TRPM2: variants seen among roughly 807,000 people sequenced by gnomAD.
TRPM2 encodes estrogen-responsive element-associated gene 1 protein.
TRPM2 carries 161 observed loss-of-function variants against 174.0 expected under a neutral mutation model. The ratio of observed to expected loss-of-function variants is 0.93; its 90% confidence interval spans 0.81 to 1.05. The LOEUF (loss-of-function observed/expected upper bound fraction) is 1.05. Ranked by LOEUF, TRPM2 falls within the 50% of genes least tolerant of loss-of-function variation. The pLI, the probability that TRPM2 is intolerant of heterozygous loss-of-function variation, is 0.00. For synonymous variants in TRPM2, 954 were observed against 861.3 expected (o/e 1.11, Z -1.88); for missense variants, 2,057 against 2,038.0 (o/e 1.01, Z -0.18).
intron 22 of TRPM2, among the ~76,000 whole-genome samples, chr21:44,419,928 T>C (rs981562007): frequency 7.2e-6 from 1 of 138,768 alleles, no homozygotes; most frequent in East Asian, 2.1e-4. Flanking sequence ...GTAGTGATGG[T>C]AGTGGTGGTG....
At chr21:44,378,898 C>T in intron 7 of TRPM2, 99 bp from the exon 8 acceptor site, 1 of 1,317,398 alleles carries the variant, frequency 7.6e-7, no homozygotes, top group Non-Finnish European at 1.1e-6. Context: ...TAGTGTTAGC[C>T]AGCTCTGCCC....
At position 44,391,759 on chromosome 21, in the gene TRPM2, C is replaced by A; in HGVS notation, c.1794+134C>A. On this transcript the variant is annotated intron_variant, in intron 11 of 31. Coordinates refer to ENST00000397928, the MANE Select transcript of TRPM2 (RefSeq NM_003307.4). This position sits in a 1 kb window ranked among gnomAD's most constrained non-coding sequence, Gnocchi z 5.0. ...CATGCTCTATCTTAGGCTGCTTGGG[C>A]TGCTGTAACAAAATTCCACAGATGG... The A allele has an allele frequency of 2.3e-6, 2 of 878,340 alleles. No individual in the cohort carries two copies. Among genetic ancestry groups the A allele is most frequent in the Non-Finnish European group, 3.3e-6 (2 of 601,586 alleles). 54.4% of individuals were successfully genotyped at this position (878,340 alleles called of 1,614,324 possible). A position where few individuals can be genotyped will look rare whatever the true frequency, so the allele number is the denominator to read the frequency against.
chr21:44,435,541 T>C (rs1290181350), intron 28 of TRPM2, among the ~76,000 whole-genome samples: 2 of 147,592 alleles, frequency 1.4e-5, no homozygotes, highest in African/African-American at 5.1e-5. Context: ...CCCCTAAGTC[T>C]CACTCCTCCA....
In TRPM2 at chr21:44,405,059, T is replaced by C. The variant is rs45473101; in HGVS notation, c.2539-83T>C. On this transcript the variant is annotated intron_variant, in intron 16 of 31. Transcript: ENST00000397928. The stretch of plus-strand genomic sequence containing the variant: ...ATAGTGACAGTGACTGTGATGATGA[T>C]AGTGGATAGTGATGTGACAGTGACA... 9.6e-4 allele frequency: 1,517 copies of C among 1,578,124 alleles called. 15 individuals carry two copies. In the African/African-American group the frequency reaches 0.018, roughly 19 times the overall value.
intron 27 of TRPM2, among the ~76,000 whole-genome samples, chr21:44,431,207 G>T (rs1240166969): frequency 6.6e-6 from 1 of 151,694 alleles, no homozygotes; most frequent in Non-Finnish European, 1.5e-5. Flanking sequence ...CTAAGACCTG[G>T]TAGGCTGTAA....
chr21:44,377,650 C>T, intron 6 of TRPM2, 62 bp from the exon 7 acceptor site: 1 of 1,603,014 alleles, frequency 6.2e-7, no homozygotes, highest in Non-Finnish European at 8.5e-7. Flanking sequence ...TCAGGTGTGG[C>T]CCTCACTCGG....
chr21:44,394,618 C>A (rs953540363), intron 11 of TRPM2, among the ~76,000 whole-genome samples: 1 of 151,610 alleles, frequency 6.6e-6, no homozygotes, highest in South Asian at 2.1e-4. Context: ...CGTGCCAGGC[C>A]GGGTATGGCT....
At chr21:44,350,423 G>A (rs2122995547), upstream of TRPM2, 1 of 150,878 alleles carries the variant, frequency 6.6e-6, no homozygotes, top group African/African-American at 2.5e-5. Context: ...TGCGGGGACC[G>A]AGGCGGCCGG....
intron 2 of TRPM2, among the ~76,000 whole-genome samples, chr21:44,361,054 C>T (rs532634190): frequency 1.3e-5 from 2 of 152,308 alleles, no homozygotes; most frequent in East Asian, 1.9e-4. Flanking sequence ...AAGGATGTTA[C>T]GTCAATGGAA....
intron 14 of TRPM2, 131 bp from the exon 15 acceptor site, chr21:44,400,128 A>C (rs1193524745): frequency 1.3e-5 from 9 of 706,482 alleles, no homozygotes; most frequent in African/African-American, 3.6e-5. Flanking sequence ...CTGTGTCTTC[A>C]CCACTTTCTG....
At chr21:44,421,010 G>GCTTTAA (rs1247186196) in intron 22 of TRPM2, among the ~76,000 whole-genome samples, 4 of 152,274 alleles carry the variant, frequency 2.6e-5, no homozygotes, top group Admixed American at 2.6e-4. Context: ...TTAAGGGAGT[G>GCTTTAA]GGCTGGACCC....
In TRPM2 at chr21:44,439,053, C is replaced by T. The variant is rs2051388694; in HGVS notation, c.4168-14C>T. On this transcript the variant is annotated splice_polypyrimidine_tract_variant and intron_variant, in intron 29 of 31. Transcript: ENST00000397928. This position sits in a 1 kb window ranked among gnomAD's most constrained non-coding sequence, Gnocchi z 5.1. Reference sequence around the variant, plus strand: ...GGTGCCCTGTTGACCTGCCTCCGTCCTCTGTCTGTCCAGGGCTCCCGGGAG... The same window carrying T: ...GGTGCCCTGTTGACCTGCCTCCGTCTTCTGTCTGTCCAGGGCTCCCGGGAG... 1.2e-6 allele frequency: 2 copies of T among 1,609,838 alleles called. No individual in the cohort carries two copies. The highest frequency in any genetic ancestry group is 1.1e-5 in the South Asian group (1 of 90,960).
At chr21:44,373,328 AG>A (rs1334343112) in intron 5 of TRPM2, among the ~76,000 whole-genome samples, 1 of 152,082 alleles carries the variant, frequency 6.6e-6, no homozygotes, top group African/African-American at 2.4e-5. Flanking sequence ...CTAGGTCTAC[AG>A]GCACCCACCA....
At position 44,438,007 on chromosome 21, in the gene TRPM2, C is replaced by T. The variant is rs537886268; in HGVS notation, c.4167+840C>T. 6.6e-6 allele frequency among the ~76,000 whole-genome samples: 1 copy of T among 152,396 alleles called. No homozygotes were observed. Among genetic ancestry groups the T allele is most frequent in the Admixed American group, 6.5e-5 (1 of 15,314 alleles). On this transcript the variant is annotated intron_variant, in intron 29 of 31. Coordinates refer to ENST00000397928, the MANE Select transcript of TRPM2 (RefSeq NM_003307.4). This position sits in a 1 kb window ranked among gnomAD's most constrained non-coding sequence, Gnocchi z 5.9. ...GCTGTTGCATTTCTCTGACCCCGAG[C>T]TCACGGCCTGGTGGCTGCCTCTGCT... is the stretch of plus-strand genomic sequence containing the variant.
Position 44,431,290 on chromosome 21 carries a change from T to C in TRPM2, c.3975-3841T>C, listed in dbSNP as rs146715746. On this transcript the variant is annotated intron_variant, in intron 27 of 31. Transcript: ENST00000397928. ...TCATTATAATCTTCATTTTACACTT[T>C]TGTTTTGCTCTTTTTTTTTTTTCTT... is the stretch of plus-strand genomic sequence containing the variant. Among the ~76,000 whole-genome samples, 350 of 151,470 alleles carry C rather than the reference T, an allele frequency of 2.3e-3. 1 individual carries two copies. Among genetic ancestry groups the C allele is most frequent in the Middle Eastern group, 0.01 (3 of 294 alleles).
intron 2 of TRPM2, among the ~76,000 whole-genome samples, chr21:44,362,524 A>G (rs4818915): frequency 0.16 from 24,324 of 151,754 alleles, 2,243 homozygotes; most frequent in Non-Finnish European, 0.2. Context: ...AGAAAAAAAA[A>G]AAAGAAAGAA....
chr21:44,387,893 C>T (rs1036233529), intron 9 of TRPM2, among the ~76,000 whole-genome samples: 2 of 152,196 alleles, frequency 1.3e-5, no homozygotes, highest in Non-Finnish European at 2.9e-5. Flanking sequence ...CAGAAAATCA[C>T]AAATGTTGGC....
At chr21:44,381,047 G>A (rs979294993) in intron 8 of TRPM2, among the ~76,000 whole-genome samples, 7 of 152,108 alleles carry the variant, frequency 4.6e-5, no homozygotes, top group Non-Finnish European at 7.4e-5. Context: ...AGTTCGCCAG[G>A]GAGCTCAGGA....
At chr21:44,428,819 G>C (rs1335948505) in intron 27 of TRPM2, among the ~76,000 whole-genome samples, 2 of 149,760 alleles carry the variant, frequency 1.3e-5, no homozygotes, top group East Asian at 2.0e-4. Context: ...TCCCTGAGGT[G>C]TGGCTCCTCC....
Sources: gnomAD v4.1 joint callset for allele counts (sites outside exome capture counted in the v4.1 genomes callset) on GRCh38, gnomAD v4.1.1 for gene constraint, Gnocchi (gnomAD v3.1) non-coding constraint, MANE v1.5 for transcripts, NCBI Gene and HGNC (gene_info 2026-07-23, HGNC 2026-07-21) for gene names.